SLC2A12: variants seen among roughly 807,000 people sequenced by gnomAD.
SLC2A12 encodes the protein solute carrier family 2 member 12.
SLC2A12 carries 23 observed loss-of-function variants against 41.8 expected under a neutral mutation model. The ratio of observed to expected loss-of-function variants is 0.55; its 90% CI spans 0.40 to 0.78. SLC2A12 has a LOEUF of 0.78. SLC2A12 is among the 30% of genes least tolerant of loss of function. SLC2A12 has a pLI of 0.00. For missense variants in SLC2A12, 654 were observed against 745.6 expected (o/e 0.88, Z 1.43); for synonymous variants, 295 against 285.9 (o/e 1.03, Z -0.32).
At chr6:134,007,717 A>G (rs565883393) in intron 2 of SLC2A12, among the ~76,000 whole-genome samples, 18 of 152,334 alleles carry the variant, frequency 1.2e-4, no homozygotes, top group South Asian at 1.0e-3. Context: ...AGTTTGCCTA[A>G]TAAAAAACAG....
At chr6:134,025,511 ATG>A (rs1208521390) in intron 2 of SLC2A12, among the ~76,000 whole-genome samples, 1 of 152,206 alleles carries the variant, frequency 6.6e-6, no homozygotes, top group Non-Finnish European at 1.5e-5. Context: ...TTAGCATAGA[ATG>A]TTATTGAAAG....
intron 2 of SLC2A12, among the ~76,000 whole-genome samples, chr6:134,009,393 GTC>G (rs1405662741): frequency 6.6e-6 from 1 of 152,162 alleles, no homozygotes; most frequent in Non-Finnish European, 1.5e-5. Context: ...TGCTGAAAGA[GTC>G]TACTTCTTTT....
intron 2 of SLC2A12, among the ~76,000 whole-genome samples, chr6:134,013,536 CTG>C (rs1776916780): frequency 6.6e-6 from 1 of 151,822 alleles, no homozygotes; most frequent in Non-Finnish European, 1.5e-5. Flanking sequence ...TATTTTGTAT[CTG>C]TGGTTGAATG....
At chr6:134,005,897 G>T (rs142881756) in intron 3 of SLC2A12, among the ~76,000 whole-genome samples, 1 of 151,928 alleles carries the variant, frequency 6.6e-6, no homozygotes, top group East Asian at 1.9e-4. Flanking sequence ...AGGGCTAGGC[G>T]TGGTGGCTCG....
intron 2 of SLC2A12, among the ~76,000 whole-genome samples, chr6:134,021,629 C>T (rs568330517): frequency 1.8e-4 from 27 of 152,286 alleles, no homozygotes; most frequent in Non-Finnish European, 3.4e-4. Flanking sequence ...ATGCCCATTA[C>T]ATAGATTAGA....
chr6:134,006,167 A>T (rs1776810388), intron 3 of SLC2A12, among the ~76,000 whole-genome samples: 1 of 138,764 alleles, frequency 7.2e-6, no homozygotes. Context: ...CAACAGAGAG[A>T]GACTATCGGA....
chr6:134,028,642 C>G lies in SLC2A12; in HGVS notation c.1183G>C (p.Gly395Arg), dbSNP rs765143425. 12 of 1,614,168 alleles carry G rather than the reference C, an allele frequency of 7.4e-6. No homozygotes were observed. The East Asian group carries it at 2.5e-4, about 33-fold the overall frequency. ...SLDESVIYGP[G>R]NLSTNNNTLR... is the part of the protein sequence containing the mutation. The stretch of plus-strand genomic sequence containing the variant: ...GTATTGTTGTTGGTTGACAGGTTTC[C>G]TGGTCCATAAATCACAGACTCATCC... The change falls in exon 2 of 5, where the codon GGA (glycine) becomes CGA (arginine). Residue 395 changes from glycine (G) to arginine (R), a missense_variant. This residue lies in a region of SLC2A12 where 411 missense variants were observed against 412.1 expected (regional missense o/e 1.00). Coordinates refer to ENST00000275230, the MANE Select transcript of SLC2A12 (RefSeq NM_145176.3).
In SLC2A12 at chr6:133,990,556, TA is replaced by T. The variant is rs1222546812; in HGVS notation, c.*598del. The T allele has an allele frequency of 6.6e-6, 1 of 152,414 alleles. No individual in the cohort carries two copies. The highest frequency in any genetic ancestry group is 2.4e-5 in the African/African-American group (1 of 41,456). 9.4% of individuals were successfully genotyped at this position (152,414 alleles called of 1,614,324 possible). A position where few individuals can be genotyped will look rare whatever the true frequency, so the allele number is the denominator to read the frequency against. On this transcript the variant is annotated 3_prime_UTR_variant, in exon 5 of 5. Coordinates refer to ENST00000275230, the MANE Select transcript of SLC2A12 (RefSeq NM_145176.3). ...CATAAAAGGATATTTTGCATTAAAT[TA>T]TAGTTTATAGTTCATAAAATAAGCT... is the stretch of plus-strand genomic sequence containing the variant.
chr6:134,002,232 A>G, intron 3 of SLC2A12, 103 bp from the exon 4 acceptor site: 1 of 1,248,522 alleles, frequency 8.0e-7, no homozygotes, highest in Non-Finnish European at 1.1e-6. Flanking sequence ...TGTATTTTCA[A>G]ACATGCCAGC....
chr6:134,016,100 A>G (rs1776958192), intron 2 of SLC2A12, among the ~76,000 whole-genome samples: 1 of 152,062 alleles, frequency 6.6e-6, no homozygotes, highest in Non-Finnish European at 1.5e-5. Flanking sequence ...TTCATGTCTT[A>G]TGGGAAAAGG....
chr6:134,010,790 GTC>G (rs1273809614), intron 2 of SLC2A12, among the ~76,000 whole-genome samples: 2 of 152,166 alleles, frequency 1.3e-5, no homozygotes, highest in Admixed American at 6.5e-5. Flanking sequence ...GTTCGTTGAA[GTC>G]TCTCTGTCTC....
chr6:134,024,398 G>C, intron 2 of SLC2A12, among the ~76,000 whole-genome samples: 1 of 152,204 alleles, frequency 6.6e-6, no homozygotes, highest in Non-Finnish European at 1.5e-5. Flanking sequence ...TTCTTCACCA[G>C]CTTCCCTCTG....
chr6:134,012,101 G>T (rs1381724758), intron 2 of SLC2A12, among the ~76,000 whole-genome samples: 1 of 152,106 alleles, frequency 6.6e-6, no homozygotes, highest in Non-Finnish European at 1.5e-5. Flanking sequence ...CCCAACATTG[G>T]CAGTGATGTG....
At chr6:134,004,586 C>A (rs1776788489) in intron 3 of SLC2A12, among the ~76,000 whole-genome samples, 1 of 152,162 alleles carries the variant, frequency 6.6e-6, no homozygotes, top group South Asian at 2.1e-4. Context: ...GAACTTCCCA[C>A]AGTCTGGATT....
chr6:134,052,390 G>A lies in SLC2A12; in HGVS notation c.91C>T (p.Pro31Ser). The change falls in exon 1 of 5, where the codon CCC (proline) becomes TCC (serine). Residue 31 changes from proline to serine, a missense_variant. Transcript: ENST00000275230. ...ETEGSGSRHP[P>S]WARGCGMFTF... ...AGGCTCACTTTACCTCTCGCCCAGG[G>A]AGGATGCCGGCTGCCGCTGCCCTCC... 3 of 1,612,632 alleles carry A rather than the reference G, an allele frequency of 1.9e-6. No homozygotes were observed. Among genetic ancestry groups the A allele is most frequent in the Non-Finnish European group, 2.5e-6 (3 of 1,179,968 alleles).
rs1562191628 is a variant in SLC2A12 at position 134,003,101 on chromosome 6, AACTG to A, written c.1568-976_1568-973del. On this transcript the variant is annotated intron_variant, in intron 3 of 4. Transcript: ENST00000275230. ...CAAACCACAGTTGGTCAGGCAGGAA[AACTG>A]ACTGAGCACTTGTGTACTGAGGCAG... 2.6e-5 allele frequency among the ~76,000 whole-genome samples: 4 copies of A among 152,314 alleles called. No homozygotes were observed. The East Asian group carries it at 7.7e-4, about 29-fold the overall frequency.
At chr6:134,028,149 G>A (rs1460813984) in intron 2 of SLC2A12, among the ~76,000 whole-genome samples, 1 of 152,102 alleles carries the variant, frequency 6.6e-6, no homozygotes, top group African/African-American at 2.4e-5. Flanking sequence ...TCAATTAATG[G>A]GAATTAAAGT....
chr6:134,004,607 T>C (rs1431192167), intron 3 of SLC2A12, among the ~76,000 whole-genome samples: 2 of 152,216 alleles, frequency 1.3e-5, no homozygotes, highest in Non-Finnish European at 2.9e-5. Context: ...TTCTTGATTG[T>C]AGTCATGCTG....
intron 1 of SLC2A12, among the ~76,000 whole-genome samples, chr6:134,046,977 A>C (rs929814489): frequency 6.6e-6 from 1 of 152,224 alleles, no homozygotes; most frequent in Non-Finnish European, 1.5e-5. Flanking sequence ...TATTTGACTC[A>C]GTTTCAGCTG....
Sources: gnomAD v4.1 joint callset for allele counts (sites outside exome capture counted in the v4.1 genomes callset) on GRCh38, gnomAD v4.1.1 for gene constraint, gnomAD v4.1.1 regional missense constraint, MANE v1.5 for transcripts, NCBI Gene and HGNC (gene_info 2026-07-23, HGNC 2026-07-21) for gene names.